Variants in NCOA1 observed in about 807,000 individuals in gnomAD.
NCOA1 encodes the protein nuclear receptor coactivator 1.
In NCOA1, 35 loss-of-function variants were observed where a neutral mutation model predicts 150.9. The ratio of observed to expected loss-of-function variants is 0.23; its 90% CI spans 0.18 to 0.31. NCOA1 has a LOEUF of 0.31. Ranked by LOEUF, NCOA1 falls within the 10% of genes least tolerant of loss-of-function variation. The pLI is 1.00. For synonymous variants in NCOA1, 590 were observed against 630.0 expected (o/e 0.94, Z 0.95); for missense variants, 1,491 against 1,749.3 (o/e 0.85, Z 2.63).
At chr2:24,520,254 A>G (rs1664364662) in intron 1 of NCOA1, among the ~76,000 whole-genome samples, 1 of 152,218 alleles carries the variant, frequency 6.6e-6, no homozygotes, top group African/African-American at 2.4e-5. Context: ...TAAGCAATTT[A>G]CTTAAGATAA....
intron 15 of NCOA1, 136 bp from the exon 16 acceptor site, chr2:24,728,172 T>G: frequency 1.7e-6 from 1 of 601,968 alleles, no homozygotes; most frequent in East Asian, 3.0e-5. Flanking sequence ...ACATAGAACA[T>G]TCCATGGCAT....
chr2:24,636,853 C>T (rs1475243977), intron 3 of NCOA1, among the ~76,000 whole-genome samples: 1 of 151,856 alleles, frequency 6.6e-6, no homozygotes, highest in Non-Finnish European at 1.5e-5. Context: ...GCTTTTTCTG[C>T]ATCCATTGAG....
Position 24,669,210 on chromosome 2 carries a change from T to C in NCOA1, c.256+3295T>C, listed in dbSNP as rs1055423653. 4.6e-5 allele frequency among the ~76,000 whole-genome samples: 7 copies of C among 152,278 alleles called. No individual in the cohort carries two copies. In the East Asian group the frequency reaches 1.3e-3, roughly 29 times the overall value. On this transcript the variant is annotated intron_variant, in intron 6 of 22. Transcript: ENST00000348332. ...TATTAGGATATAGGCTAGGTTAGTATAACAACACACCCAAAATACAATGGT... is the reference window on the plus strand; with the variant it reads ...TATTAGGATATAGGCTAGGTTAGTACAACAACACACCCAAAATACAATGGT...
At position 24,691,466 on chromosome 2, in the gene NCOA1, A is replaced by G. The variant is rs919925458; in HGVS notation, c.533-15A>G. The G allele has an allele frequency of 3.7e-6, 6 of 1,610,864 alleles. No homozygotes were observed. Among genetic ancestry groups the G allele is most frequent in the South Asian group, 1.1e-5 (1 of 90,728 alleles). On this transcript the variant is annotated splice_polypyrimidine_tract_variant and intron_variant, in intron 8 of 22. Transcript: ENST00000348332. ...CACCATATTCGCAAGCACATAATCA[A>G]TTTTTCTTCCTCAGTAAATGGAGTT...
intron 1 of NCOA1, among the ~76,000 whole-genome samples, chr2:24,552,339 ATATATATATATATATTTTTTTTTT>A (rs1447332178): frequency 1.0e-4 from 2 of 20,000 alleles, no homozygotes; most frequent in Non-Finnish European, 2.0e-4. Context: ...ATATATATAT[ATATATATATATATATTTTTTTTTT>A]TTTTTTTTTT....
At chr2:24,553,465 C>T (rs1205772201) in intron 1 of NCOA1, among the ~76,000 whole-genome samples, 3 of 152,048 alleles carry the variant, frequency 2.0e-5, no homozygotes, top group African/African-American at 7.3e-5. Context: ...GTGATCTGCC[C>T]ACTCGGCCTC....
intron 18 of NCOA1, among the ~76,000 whole-genome samples, chr2:24,740,618 C>T (rs1663555935): frequency 6.6e-6 from 1 of 152,198 alleles, no homozygotes. Flanking sequence ...TTATGCATCA[C>T]ATGACTGTAT....
intron 3 of NCOA1, among the ~76,000 whole-genome samples, chr2:24,590,650 C>T (rs1032961328): frequency 3.3e-5 from 5 of 152,102 alleles, no homozygotes; most frequent in African/African-American, 1.2e-4. Flanking sequence ...TAGCTCTTCC[C>T]TGTGTGGACC....
chr2:24,536,304 G>T (rs1271967494), intron 1 of NCOA1, among the ~76,000 whole-genome samples: 4 of 152,132 alleles, frequency 2.6e-5, no homozygotes, highest in Non-Finnish European at 1.5e-5. Context: ...GCTCCATCAG[G>T]TAATTTAAGG....
At chr2:24,744,630 T>C (rs1004682786) in intron 19 of NCOA1, among the ~76,000 whole-genome samples, 2 of 152,218 alleles carry the variant, frequency 1.3e-5, no homozygotes, top group Non-Finnish European at 2.9e-5. Flanking sequence ...ATAAAAAGGC[T>C]CTTTGGCCTT....
At chr2:24,659,771 G>A (rs565910576) in intron 5 of NCOA1, among the ~76,000 whole-genome samples, 2 of 152,112 alleles carry the variant, frequency 1.3e-5, no homozygotes, top group African/African-American at 4.8e-5. Context: ...GAGCTGTCCT[G>A]TATTTTGTAG....
rs563147878 is a variant in NCOA1 at position 24,718,436 on chromosome 2, T to C, written c.2599+7325T>C. Among the ~76,000 whole-genome samples, 63 of 152,314 alleles carry C rather than the reference T, an allele frequency of 4.1e-4. 1 individual carries two copies. In the South Asian group the frequency reaches 0.013, roughly 32 times the overall value. On this transcript the variant is annotated intron_variant, in intron 14 of 22. Transcript: ENST00000348332. ...CATAAAGTTAATCATACATTTACCA[T>C]GTAACCCAACAGTTCAACTTTTAGG...
intron 6 of NCOA1, among the ~76,000 whole-genome samples, chr2:24,667,571 A>C (rs1671487966): frequency 6.6e-6 from 1 of 152,260 alleles, no homozygotes; most frequent in African/African-American, 2.4e-5. Context: ...CCTGGGAGAC[A>C]TGAGGGAAGG....
intron 1 of NCOA1, among the ~76,000 whole-genome samples, chr2:24,559,953 C>T (rs1572419387): frequency 1.3e-5 from 2 of 152,236 alleles, no homozygotes; most frequent in Admixed American, 1.3e-4. Flanking sequence ...CTGTTCTTCT[C>T]CTAGTGGCTT....
intron 6 of NCOA1, among the ~76,000 whole-genome samples, chr2:24,668,825 A>C (rs1671556761): frequency 6.6e-6 from 1 of 151,862 alleles, no homozygotes; most frequent in Non-Finnish European, 1.5e-5. Context: ...AACGCATAAG[A>C]GTATCTGCTA....
intron 14 of NCOA1, 89 bp from the exon 15 acceptor site, chr2:24,726,500 A>G: frequency 1.4e-6 from 1 of 691,644 alleles, no homozygotes; most frequent in Non-Finnish European, 2.4e-6. Context: ...TAAAGGAGAA[A>G]TCTCACTCTC....
At chr2:24,576,170 G>GTTTTTGT (rs1666967476) in intron 2 of NCOA1, among the ~76,000 whole-genome samples, 1 of 46,330 alleles carries the variant, frequency 2.2e-5, no homozygotes, top group African/African-American at 6.4e-5. Context: ...TTTGTTTTTT[G>GTTTTTGT]TTTTTTTTTT....
intron 3 of NCOA1, among the ~76,000 whole-genome samples, chr2:24,640,613 G>A (rs1008851642): frequency 2.0e-5 from 3 of 151,842 alleles, no homozygotes; most frequent in African/African-American, 7.2e-5. Context: ...CTCAAGACCA[G>A]CCTGGGCAAG....
intron 14 of NCOA1, among the ~76,000 whole-genome samples, chr2:24,721,918 T>C (rs1674375335): frequency 6.6e-6 from 1 of 152,254 alleles, no homozygotes; most frequent in Non-Finnish European, 1.5e-5. Flanking sequence ...GTTTTAGTCT[T>C]CTGCCATGAA....
Sources: gnomAD v4.1 joint callset for allele counts (sites outside exome capture counted in the v4.1 genomes callset) on GRCh38, gnomAD v4.1.1 for gene constraint, MANE v1.5 for transcripts, NCBI Gene and HGNC (gene_info 2026-07-23, HGNC 2026-07-21) for gene names.